The following PRKG1 variants were observed in gnomAD, a reference collection of about 807,000 sequenced individuals.
PRKG1 encodes cGMP-dependent protein kinase 1.
PRKG1 carries 35 observed loss-of-function variants against 88.1 expected under a neutral mutation model. The ratio of observed to expected loss-of-function variants is 0.40; its 90% confidence interval spans 0.30 to 0.53. The LOEUF (loss-of-function observed/expected upper bound fraction) is 0.53, where lower values mean the gene tolerates loss of function less well. Among genes scored for constraint, PRKG1 ranks in the 20% least tolerant of loss-of-function variants. The pLI, the probability that PRKG1 is intolerant of heterozygous loss-of-function variation, is 0.59. For synonymous variants in PRKG1, 303 were observed against 292.5 expected (o/e 1.04, Z -0.37); for missense variants, 540 against 839.8 (o/e 0.64, Z 4.41).
At chr10:52,220,843 G>A (rs576272471) in intron 9 of PRKG1, among the ~76,000 whole-genome samples, 14 of 152,092 alleles carry the variant, frequency 9.2e-5, no homozygotes, top group Non-Finnish European at 1.3e-4. Context: ...TTGGTTCCAT[G>A]TCTTTGCTAT....
intron 7 of PRKG1, among the ~76,000 whole-genome samples, chr10:52,115,762 CT>C (rs1360965804): frequency 6.6e-6 from 1 of 152,116 alleles, no homozygotes; most frequent in Non-Finnish European, 1.5e-5. Context: ...TGACTTTATC[CT>C]TTACCCTTCT....
At chr10:51,614,584 T>C (rs1480895149) in intron 3 of PRKG1, among the ~76,000 whole-genome samples, 1 of 152,096 alleles carries the variant, frequency 6.6e-6, no homozygotes, top group Non-Finnish European at 1.5e-5. Flanking sequence ...AATTGTTTGT[T>C]GCTTGTTTAA....
chr10:51,118,356 G>C (rs557240368), intron 1 of PRKG1, among the ~76,000 whole-genome samples: 2 of 152,276 alleles, frequency 1.3e-5, no homozygotes, highest in South Asian at 4.2e-4. Context: ...ATAGTGCCAT[G>C]CCATTTTAAT....
intron 3 of PRKG1, among the ~76,000 whole-genome samples, chr10:51,727,061 G>A (rs1056782435): frequency 2.0e-5 from 3 of 152,026 alleles, no homozygotes; most frequent in Admixed American, 6.6e-5. Context: ...TTACAGGTAT[G>A]AGCCACCGCA....
intron 2 of PRKG1, among the ~76,000 whole-genome samples, chr10:51,393,113 C>T (rs966054514): frequency 9.5e-6 from 1 of 105,692 alleles, no homozygotes; most frequent in African/African-American, 4.4e-5. Context: ...GGGGCGGTTG[C>T]CGGGCGGAGG....
chr10:51,575,464 A>G (rs1305321916), intron 3 of PRKG1, among the ~76,000 whole-genome samples: 1 of 151,954 alleles, frequency 6.6e-6, no homozygotes, highest in African/African-American at 2.4e-5. Context: ...GGATTGAGAT[A>G]TTCTTTCCAG....
intron 2 of PRKG1, among the ~76,000 whole-genome samples, chr10:51,317,017 T>A (rs1841340860): frequency 6.6e-6 from 1 of 152,194 alleles, no homozygotes; most frequent in Admixed American, 6.5e-5. Context: ...TAGCTGGTGA[T>A]CTCCATGGTC....
intron 3 of PRKG1, among the ~76,000 whole-genome samples, chr10:51,551,396 T>C (rs1247276729): frequency 3.3e-5 from 5 of 151,878 alleles, no homozygotes; most frequent in Non-Finnish European, 7.4e-5. Flanking sequence ...TATCCTGAAA[T>C]GGCAATATAA....
intron 9 of PRKG1, among the ~76,000 whole-genome samples, chr10:52,163,624 G>A (rs564877865): frequency 1.3e-5 from 2 of 151,982 alleles, no homozygotes; most frequent in Non-Finnish European, 2.9e-5. Flanking sequence ...AGTTGAGGCC[G>A]CTATCATGCT....
At chr10:51,273,912 G>T (rs544328223) in intron 2 of PRKG1, among the ~76,000 whole-genome samples, 2 of 152,208 alleles carry the variant, frequency 1.3e-5, no homozygotes, top group East Asian at 3.9e-4. Context: ...AGGCGCCTGC[G>T]CAGGTTAGAT....
At chr10:52,233,713 G>A (rs1441586724) in intron 9 of PRKG1, among the ~76,000 whole-genome samples, 1 of 146,600 alleles carries the variant, frequency 6.8e-6, no homozygotes, top group African/African-American at 2.5e-5. Context: ...AGATCAAACT[G>A]CAAGGCGGCA....
Position 51,467,592 on chromosome 10 carries a change from C to G in PRKG1, c.479-131C>G, listed in dbSNP as rs566876104. ...TTTTGTTTTATTTCTTGCGCTGCCT[C>G]GTGGTGACTTTGTTTTAATTGGTAA... is the stretch of plus-strand genomic sequence containing the variant. On this transcript the variant is annotated intron_variant, in intron 2 of 17. Transcript: ENST00000373980. The G allele has an allele frequency of 1.8e-5, 11 of 622,164 alleles. No individual in the cohort carries two copies. The East Asian group carries it at 3.1e-4, about 18-fold the overall frequency. 38.5% of individuals were successfully genotyped at this position (622,164 alleles called of 1,614,324 possible).
intron 3 of PRKG1, among the ~76,000 whole-genome samples, chr10:51,652,886 T>C (rs921939116): frequency 2.0e-5 from 3 of 152,166 alleles, no homozygotes; most frequent in African/African-American, 7.2e-5. Context: ...CTCCTACTAC[T>C]CCTCTCCAGC....
At chr10:52,073,272 C>T (rs752561737) in intron 7 of PRKG1, among the ~76,000 whole-genome samples, 4 of 152,196 alleles carry the variant, frequency 2.6e-5, no homozygotes, top group African/African-American at 4.8e-5. Context: ...ATCTGGAAGA[C>T]CTTATTTTCA....
chr10:52,039,054 G>A (rs1056122657), intron 5 of PRKG1, among the ~76,000 whole-genome samples: 2 of 152,192 alleles, frequency 1.3e-5, no homozygotes, highest in African/African-American at 4.8e-5. Flanking sequence ...CAAAGAACAG[G>A]AGGACAGGGG....
chr10:51,735,042 G>A (rs369262485), intron 3 of PRKG1, among the ~76,000 whole-genome samples: 1 of 152,148 alleles, frequency 6.6e-6, no homozygotes, highest in South Asian at 2.1e-4. Flanking sequence ...GTGAGATAGG[G>A]AATTAGGTAG....
chr10:51,533,747 C>G (rs1842074574), intron 3 of PRKG1, among the ~76,000 whole-genome samples: 1 of 151,852 alleles, frequency 6.6e-6, no homozygotes, highest in East Asian at 1.9e-4. Flanking sequence ...AAGCTGAAAA[C>G]TCTTAATTTA....
intron 7 of PRKG1, among the ~76,000 whole-genome samples, chr10:52,097,211 T>A (rs757262091): frequency 3.3e-5 from 5 of 151,150 alleles, no homozygotes; most frequent in Non-Finnish European, 7.4e-5. Flanking sequence ...TTTTTGCCTA[T>A]TTAGCTACTA....
intron 4 of PRKG1, among the ~76,000 whole-genome samples, chr10:51,864,939 G>A (rs970671563): frequency 6.6e-5 from 10 of 152,104 alleles, no homozygotes; most frequent in Admixed American, 5.9e-4. Flanking sequence ...TTATGAAGCT[G>A]TAAATCAATT....
Sources: allele counts gnomAD v4.1 joint callset (sites outside exome capture counted in the v4.1 genomes callset), GRCh38; gene constraint gnomAD v4.1.1; transcripts MANE v1.5; gene names NCBI Gene and HGNC (gene_info 2026-07-23, HGNC 2026-07-21).